The following SLC11A2 variants were observed in gnomAD, a reference collection of about 807,000 sequenced individuals.
The protein encoded by SLC11A2 is natural resistance-associated macrophage protein 2.
Under a neutral mutation model 68.0 loss-of-function variants are expected in SLC11A2, and 38 were observed. The observed-to-expected ratio is 0.56, with a 90% confidence interval of 0.43 to 0.73. SLC11A2 has a LOEUF of 0.73. SLC11A2 is among the 30% of genes least tolerant of loss of function. The probability of loss-of-function intolerance (pLI) is 0.00; values close to 1 mark genes in which losing one functional copy is unlikely to be tolerated. For synonymous variants in SLC11A2, 242 were observed against 250.6 expected (o/e 0.97, Z 0.32); for missense variants, 517 against 690.5 (o/e 0.75, Z 2.82).
downstream of SLC11A2, among the ~76,000 whole-genome samples, chr12:50,978,582 G>A (rs1229039788): frequency 9.0e-6 from 1 of 111,324 alleles, no homozygotes; most frequent in African/African-American, 2.9e-5. Flanking sequence ...CATGGCACAT[G>A]TATACATATG....
chr12:51,008,214 TTAGATAGACAGATAGA>T (rs1255640476), intron 3 of SLC11A2: 7 of 342,934 alleles, frequency 2.0e-5, no homozygotes, highest in African/African-American at 1.3e-4. Context: ...GTAAAAAAGA[TTAGATAGACAGATAGA>T]TAGATAGATA....
the SLC11A2 span, chr12:50,960,885 G>T: frequency 1.7e-6 from 2 of 1,197,584 alleles, no homozygotes; most frequent in African/African-American, 1.6e-5. Context: ...TTGCTATGTT[G>T]CCCAGGCTGT....
At chr12:50,962,896 G>GT in the SLC11A2 span, among the ~76,000 whole-genome samples, 1 of 152,154 alleles carries the variant, frequency 6.6e-6, no homozygotes, top group Admixed American at 6.6e-5. Context: ...AGCATGGCAT[G>GT]TAAGTGGAAC....
At position 50,987,506 on chromosome 12, in the gene SLC11A2, T is replaced by C. The variant is rs1003093319; in HGVS notation, c.*819A>G. 7.8e-7 allele frequency: 1 copy of C among 1,287,124 alleles called. No individual in the cohort carries two copies. Among genetic ancestry groups the C allele is most frequent in the Admixed American group, 2.3e-5 (1 of 43,538 alleles). The allele number at this position is 1,287,124 out of a possible 1,614,324, so 79.7% of individuals were successfully genotyped here. On this transcript the variant is annotated 3_prime_UTR_variant, in exon 16 of 16. Coordinates refer to ENST00000262052, the MANE Select transcript of SLC11A2 (RefSeq NM_000617.3). ...CCATCTGTTTCTATCACCACCCTCC[T>C]GGAGAAAGAAAGTTAAGGTTTTACA... is the stretch of plus-strand genomic sequence containing the variant.
intron 1 of SLC11A2, among the ~76,000 whole-genome samples, chr12:51,011,823 G>A (rs1250904718): frequency 6.6e-6 from 1 of 151,784 alleles, no homozygotes; most frequent in Non-Finnish European, 1.5e-5. Context: ...ACTTCCCAAA[G>A]TGCTGGGATT....
chr12:50,975,783 T>C (rs1476805265), downstream of SLC11A2, among the ~76,000 whole-genome samples: 3 of 151,950 alleles, frequency 2.0e-5, no homozygotes, highest in Non-Finnish European at 4.4e-5. Flanking sequence ...GAATCAAATA[T>C]ACACAATAAA....
At chr12:50,972,961 C>T in the SLC11A2 span, among the ~76,000 whole-genome samples, 1 of 152,188 alleles carries the variant, frequency 6.6e-6, no homozygotes, top group Non-Finnish European at 1.5e-5. Flanking sequence ...CCCACCATTG[C>T]GGAGGCTTGA....
At chr12:51,028,143 C>G, upstream of SLC11A2, 1 of 1,448,532 alleles carries the variant, frequency 6.9e-7, no homozygotes, top group Non-Finnish European at 9.3e-7. Flanking sequence ...CCTTTCAGGT[C>G]TGCTCAGCTG....
chr12:51,011,848 C>T (rs548846564), intron 1 of SLC11A2, among the ~76,000 whole-genome samples: 147 of 152,286 alleles, frequency 9.7e-4, no homozygotes, highest in Non-Finnish European at 1.3e-3. Flanking sequence ...GCATGAGCCA[C>T]CACGCCCAGC....
At chr12:51,011,285 C>T (rs963538483) in intron 1 of SLC11A2, among the ~76,000 whole-genome samples, 30 of 151,770 alleles carry the variant, frequency 2.0e-4, no homozygotes, top group Non-Finnish European at 3.5e-4. Flanking sequence ...CCCGCCACCA[C>T]GCCCAGCCAA....
At chr12:50,991,439 T>G (rs1438189524) in intron 14 of SLC11A2, 160 bp downstream of exon 14, 1 of 672,174 alleles carries the variant, frequency 1.5e-6, no homozygotes, top group Non-Finnish European at 2.7e-6. Context: ...CTTTACTATA[T>G]TCACAGTTTC....
At chr12:50,973,301 G>A in the SLC11A2 span, among the ~76,000 whole-genome samples, 5 of 152,182 alleles carry the variant, frequency 3.3e-5, 1 homozygote. Flanking sequence ...AACTTCCAGA[G>A]GAACGATCAG....
At chr12:50,973,035 T>A in the SLC11A2 span, among the ~76,000 whole-genome samples, 160 of 152,320 alleles carry the variant, frequency 1.1e-3, 1 homozygote, top group Non-Finnish European at 2.0e-3. Context: ...CAAGGAGGCC[T>A]GCCTGCCTCT....
chr12:50,958,233 T>C, the SLC11A2 span, among the ~76,000 whole-genome samples: 1 of 152,036 alleles, frequency 6.6e-6, no homozygotes, highest in African/African-American at 2.4e-5. Context: ...GACAAACTTA[T>C]TCTAAATCTT....
chr12:50,993,986 T>A (rs1275556490), intron 11 of SLC11A2, among the ~76,000 whole-genome samples: 2 of 50,446 alleles, frequency 4.0e-5, no homozygotes, highest in African/African-American at 1.5e-4. Context: ...AGCAAGACCT[T>A]GTCTCCAAAA....
At chr12:51,028,170 T>C (rs750421511), upstream of SLC11A2, 10 of 1,528,904 alleles carry the variant, frequency 6.5e-6, no homozygotes, top group Non-Finnish European at 7.0e-6. Flanking sequence ...TTCCCTGGGC[T>C]ACTTACTTAG....
chr12:50,999,597 C>T (rs1246794131), intron 6 of SLC11A2, 182 bp from the exon 7 acceptor site: 4 of 633,518 alleles, frequency 6.3e-6, no homozygotes, highest in African/African-American at 1.8e-5. Flanking sequence ...AACTTAATTA[C>T]ATTCATTTAA....
intron 1 of SLC11A2, chr12:51,025,983 C>T (rs1404509159): frequency 9.8e-7 from 1 of 1,022,526 alleles, no homozygotes; most frequent in African/African-American, 1.7e-5. Context: ...CGCACCCCGA[C>T]ACAGGCCGGG....
chr12:50,968,940 A>G, the SLC11A2 span, among the ~76,000 whole-genome samples: 60 of 152,208 alleles, frequency 3.9e-4, no homozygotes, highest in Non-Finnish European at 7.8e-4. Flanking sequence ...TGGCCTTCCA[A>G]CGTGGTGGGA....
Sources: gnomAD v4.1 joint callset for allele counts (sites outside exome capture counted in the v4.1 genomes callset) on GRCh38, gnomAD v4.1.1 for gene constraint, MANE v1.5 for transcripts, NCBI Gene and HGNC (gene_info 2026-07-23, HGNC 2026-07-21) for gene names.